Variants in SLC41A1 observed in about 807,000 individuals in gnomAD.
SLC41A1 encodes the protein solute carrier family 41 (magnesium transporter), member 1.
SLC41A1 carries 20 observed loss-of-function variants against 47.3 expected under a neutral mutation model. The ratio of observed to expected loss-of-function variants is 0.42; its 90% CI spans 0.30 to 0.61. The LOEUF (loss-of-function observed/expected upper bound fraction) is 0.61. SLC41A1 is among the 20% of genes least tolerant of loss of function. The pLI is 0.17. For synonymous variants in SLC41A1, 282 were observed against 272.7 expected (o/e 1.03, Z -0.34); for missense variants, 504 against 674.1 (o/e 0.75, Z 2.79).
chr1:205,799,635 G>A, intron 4 of SLC41A1, 124 bp downstream of exon 4: 3 of 1,101,226 alleles, frequency 2.7e-6, no homozygotes, highest in Non-Finnish European at 4.1e-6. Context: ...GCTACTCTGG[G>A]GGAAGCCAGC....
At chr1:205,802,035 A>G (rs559700634) in intron 2 of SLC41A1, among the ~76,000 whole-genome samples, 31 of 152,268 alleles carry the variant, frequency 2.0e-4, no homozygotes, top group Middle Eastern at 6.8e-3. Context: ...GAAACTGAGG[A>G]CTTGCAAAAA....
chr1:205,797,147 G>A, intron 7 of SLC41A1, 144 bp from the exon 8 acceptor site: 1 of 749,548 alleles, frequency 1.3e-6, no homozygotes, highest in East Asian at 2.7e-5. Flanking sequence ...TCCAGTCCTT[G>A]CCTCCCTTGA....
Position 205,813,187 on chromosome 1 carries a change from C to T in SLC41A1, c.-1026G>A. 6.1e-6 allele frequency: 6 copies of T among 985,390 alleles called. No individual in the cohort carries two copies. Among genetic ancestry groups the T allele is most frequent in the Non-Finnish European group, 7.2e-6 (6 of 829,958 alleles). The allele number at this position is 985,390 out of a possible 1,614,324, so 61.0% of individuals were successfully genotyped here. The stretch of plus-strand genomic sequence containing the variant: ...GTTGGCTGCCGGTGGCAAACGTGAT[C>T]TGGGGCAGACTGGGTGGCACCCCCC... On this transcript the variant is annotated 5_prime_UTR_variant, in exon 1 of 11. Transcript: ENST00000367137.
At chr1:205,795,156 T>C in intron 9 of SLC41A1, 138 bp from the exon 10 acceptor site, 1 of 1,421,956 alleles carries the variant, frequency 7.0e-7, no homozygotes, top group Non-Finnish European at 9.6e-7. Context: ...CATCCTGTGG[T>C]CTCCAACCCC....
At chr1:205,809,033 C>A (rs2102511461) in intron 2 of SLC41A1, among the ~76,000 whole-genome samples, 1 of 152,210 alleles carries the variant, frequency 6.6e-6, no homozygotes, top group African/African-American at 2.4e-5. Context: ...CTGGGGGTCC[C>A]AAAAAGCAAA....
chr1:205,798,536 C>A, intron 6 of SLC41A1, 133 bp downstream of exon 6: 1 of 1,341,364 alleles, frequency 7.5e-7, no homozygotes, highest in Non-Finnish European at 1.1e-6. Flanking sequence ...TCTCTAAGAT[C>A]AGGAATTATT....
rs745882348 is a variant in SLC41A1 at position 205,798,701 on chromosome 1, G to C, written c.812C>G (p.Ser271Ter). The change falls in exon 6 of 11, where the codon TCA becomes TGA. Residue 271 changes from serine to a stop codon, truncating the protein, a stop_gained. Coordinates refer to ENST00000367137, the MANE Select transcript of SLC41A1 (RefSeq NM_173854.6). LOFTEE classifies it high-confidence loss of function. ...CAGGTAGAGTCCCCAGCTGATGCCT[G>C]AGAGCAGCGCCAAGGTGATGAGGTC... ...LGDLITLALL[S>*]GISWGLYLEL... 6.2e-7 allele frequency: 1 copy of C among 1,614,084 alleles called. No individual in the cohort carries two copies. Among genetic ancestry groups the C allele is most frequent in the Non-Finnish European group, 8.5e-7 (1 of 1,180,062 alleles).
At chr1:205,798,612 T>C (rs1354542523) in intron 6 of SLC41A1, 57 bp downstream of exon 6, 7 of 1,612,942 alleles carry the variant, frequency 4.3e-6, no homozygotes, top group Non-Finnish European at 5.9e-6. Context: ...TGCAAACTAC[T>C]ACCATCTCTC....
intron 2 of SLC41A1, among the ~76,000 whole-genome samples, chr1:205,807,103 G>GCTATATATA (rs1656030701): frequency 1.3e-5 from 2 of 151,926 alleles, no homozygotes; most frequent in African/African-American, 4.8e-5. Flanking sequence ...AGCTTATGAA[G>GCTATATATA]GGGTAATATA....
At position 205,801,235 on chromosome 1, in the gene SLC41A1, A is replaced by G; in HGVS notation, c.373-175T>C. ...ACCAAACCAAGCCCATGATTCTTCA[A>G]ACAACACAACCCCCCTTCCTGCCAC... is the stretch of plus-strand genomic sequence containing the variant. On this transcript the variant is annotated intron_variant, in intron 2 of 10. Transcript: ENST00000367137. 5.0e-6 allele frequency: 3 copies of G among 606,002 alleles called. No individual in the cohort carries two copies. The East Asian group carries it at 8.9e-5, about 18-fold the overall frequency. The allele number at this position is 606,002 out of a possible 1,614,324, so 37.5% of individuals were successfully genotyped here.
rs542082756 is a variant in SLC41A1 at position 205,801,779 on chromosome 1, C to T, written c.373-719G>A. Among the ~76,000 whole-genome samples the T allele has an allele frequency of 6.8e-4, 103 of 152,362 alleles. 1 individual carries two copies. Among genetic ancestry groups the T allele is most frequent in the African/African-American group, 2.4e-3 (99 of 41,582 alleles). On this transcript the variant is annotated intron_variant, in intron 2 of 10. Transcript: ENST00000367137. ...GGAGACCTGAGTTCTAGTCCCAAGA[C>T]AATCAATCCTGGCTCTCCTACCAAT...
In SLC41A1 at chr1:205,790,813, G is replaced by C. The variant is rs116555471; in HGVS notation, c.*720C>G. On this transcript the variant is annotated 3_prime_UTR_variant, in exon 11 of 11. Transcript: ENST00000367137. ...TGGACATGGGTCAACAGGGAGAAGA[G>C]TGCACTGTTCCATTTTTTCCTGGAT... 2.6e-5 allele frequency: 4 copies of C among 153,550 alleles called. No individual in the cohort carries two copies. Among genetic ancestry groups the C allele is most frequent in the Non-Finnish European group, 5.8e-5 (4 of 69,014 alleles). The allele number at this position is 153,550 out of a possible 1,614,324, so 9.5% of individuals were successfully genotyped here.
intron 2 of SLC41A1, among the ~76,000 whole-genome samples, chr1:205,801,797 C>T (rs1429587616): frequency 6.6e-6 from 1 of 152,234 alleles, no homozygotes; most frequent in East Asian, 1.9e-4. Context: ...CCTGGCTCTC[C>T]TACCAATGTC....
intron 2 of SLC41A1, chr1:205,801,364 C>T: frequency 2.6e-6 from 1 of 385,106 alleles, no homozygotes; most frequent in South Asian, 2.1e-5. Context: ...GTAATGGGGA[C>T]CCACACAGCT....
rs1425195789 is a variant in SLC41A1 at position 205,796,926 on chromosome 1, T to C, written c.1070A>G (p.Asn357Ser). ...AGMAVFTPVI[N>S]GVGGNLVAVQ... ...GATAGCTGATGCCCAGACCTCACCATTAATCACAGGCGTGAAGACAGCCAT... is the reference window on the plus strand; with the variant it reads ...GATAGCTGATGCCCAGACCTCACCACTAATCACAGGCGTGAAGACAGCCAT... The change falls in exon 8 of 11, where the codon AAT becomes AGT. Residue 357 changes from asparagine to serine, a missense_variant and splice_region_variant. By Grantham distance (46) the Asn-to-Ser change is conservative (BLOSUM62 1). Coordinates refer to ENST00000367137, the MANE Select transcript of SLC41A1 (RefSeq NM_173854.6). 1 of 1,612,476 alleles carries C rather than the reference T, an allele frequency of 6.2e-7. No individual in the cohort carries two copies. Among genetic ancestry groups the C allele is most frequent in the Non-Finnish European group, 8.5e-7 (1 of 1,179,394 alleles).
In SLC41A1 at chr1:205,812,276, T is replaced by C. The variant is rs756686250; in HGVS notation, c.-647+532A>G. On this transcript the variant is annotated intron_variant, in intron 1 of 10. Coordinates refer to ENST00000367137, the MANE Select transcript of SLC41A1 (RefSeq NM_173854.6). ...CAAGTTCAGTTTAGGAAAGGAGGTATCAAACCCCAGGAACTGGCCCAGGAG... is the reference window on the plus strand; with the variant it reads ...CAAGTTCAGTTTAGGAAAGGAGGTACCAAACCCCAGGAACTGGCCCAGGAG... Among the ~76,000 whole-genome samples the C allele has an allele frequency of 1.5e-4, 23 of 152,306 alleles. 1 individual carries two copies. Among genetic ancestry groups the C allele is most frequent in the Non-Finnish European group, 2.8e-4 (19 of 68,018 alleles).
In SLC41A1 at chr1:205,810,200, G is replaced by C. The variant is rs777167037; in HGVS notation, c.242C>G (p.Thr81Arg). ...GGAAGGTGGCGCAGGGCCACGGTCT[G>C]TGCTGACGTCGTCACTTTCGTTGCT... ...SQSNESDDVS[T>R]DRGPAPPSPL... The change falls in exon 2 of 11, where the codon ACA becomes AGA. Residue 81 changes from threonine (T) to arginine (R), a missense_variant. This residue lies in a region of SLC41A1 where 421 missense variants were observed against 601.6 expected (regional missense o/e 0.70). Transcript: ENST00000367137. This position sits in a 1 kb window ranked among gnomAD's most constrained non-coding sequence, Gnocchi z 5.5. The C allele has an allele frequency of 6.2e-7, 1 of 1,614,254 alleles. No homozygotes were observed. The highest frequency in any genetic ancestry group is 8.5e-7 in the Non-Finnish European group (1 of 1,180,038).
intron 2 of SLC41A1, among the ~76,000 whole-genome samples, chr1:205,804,488 T>C (rs547363769): frequency 6.6e-6 from 1 of 152,112 alleles, no homozygotes; most frequent in African/African-American, 2.4e-5. Context: ...CTCCAAACAC[T>C]GAAGGGAAGT....
At chr1:205,795,607 G>A in intron 8 of SLC41A1, 129 bp from the exon 9 acceptor site, 1 of 1,181,034 alleles carries the variant, frequency 8.5e-7, no homozygotes, top group South Asian at 1.3e-5. Context: ...GGGTCTATGT[G>A]GGCATCACCC....
Sources: allele counts gnomAD v4.1 joint callset (sites outside exome capture counted in the v4.1 genomes callset), GRCh38; gene constraint gnomAD v4.1.1; regional missense constraint gnomAD v4.1.1; non-coding constraint Gnocchi (gnomAD v3.1); transcripts MANE v1.5; gene names NCBI Gene and HGNC (gene_info 2026-07-23, HGNC 2026-07-21).